The following PCBP2 variants were observed in gnomAD, a reference collection of about 807,000 sequenced individuals.
PCBP2 encodes poly(rC) binding protein 2, also known as poly(rC)-binding protein 2.
In PCBP2, 4 loss-of-function variants were observed where a neutral mutation model predicts 50.1. The observed-to-expected ratio is 0.08, with a 90% confidence interval of 0.04 to 0.18. The LOEUF is 0.18. Ranked by LOEUF, PCBP2 falls within the 10% of genes least tolerant of loss-of-function variation. The probability of loss-of-function intolerance (pLI) is 1.00; values close to 1 mark genes in which losing one functional copy is unlikely to be tolerated. For missense variants in PCBP2, 161 were observed against 474.3 expected, an observed-to-expected ratio of 0.34 and a Z score of 6.14; for synonymous variants, 179 against 168.0, an observed-to-expected ratio of 1.07 and a Z score of -0.51.
rs1353528541 is a variant in PCBP2 at position 53,480,313 on chromosome 12, T to C, written c.*871T>C. 6.6e-6 allele frequency: 1 copy of C among 152,214 alleles called. No homozygotes were observed. The allele number at this position is 152,214 out of a possible 1,614,324, so 9.4% of individuals were successfully genotyped here. ...GTTAGAAGGATGTATCTGCTACCAT[T>C]TATTCCTATAATTTTAGAAAGTTGG... On this transcript the variant is annotated 3_prime_UTR_variant, in exon 15 of 15. Coordinates refer to ENST00000546463, the MANE Select transcript of PCBP2 (RefSeq NM_031989.5).
chr12:53,471,547 C>T (rs1482860953), intron 13 of PCBP2, 91 bp from the exon 14 acceptor site: 4 of 1,222,170 alleles, frequency 3.3e-6, no homozygotes, highest in Non-Finnish European at 4.3e-6. Context: ...AGCCTGGCCA[C>T]AGTCGTAGGA....
chr12:53,477,693 A>AC (rs1942715567), intron 14 of PCBP2, among the ~76,000 whole-genome samples: 1 of 144,808 alleles, frequency 6.9e-6, no homozygotes, highest in Non-Finnish European at 1.5e-5. Context: ...AAAAAAAAAA[A>AC]ACCCTAAATA....
rs774980337 is a variant in PCBP2 at position 53,454,896 on chromosome 12, C to T, written c.69+27C>T. 80 of 1,587,300 alleles carry T rather than the reference C, an allele frequency of 5.0e-5. No individual in the cohort carries two copies. In the East Asian group the frequency reaches 6.5e-4, roughly 13 times the overall value. On this transcript the variant is annotated intron_variant, in intron 2 of 14. Coordinates refer to ENST00000546463, the MANE Select transcript of PCBP2 (RefSeq NM_031989.5). ...TATGCTCTAGCTTGGGAAATGGGGT[C>T]ATAGTAACTGCTAGGGGAGGGGCCA...
intron 10 of PCBP2, among the ~76,000 whole-genome samples, chr12:53,466,551 C>T (rs1424534159): frequency 1.3e-5 from 2 of 152,136 alleles, no homozygotes; most frequent in African/African-American, 4.8e-5. Context: ...CTGCACTTTT[C>T]TTTTATCCTT....
chr12:53,464,652 T>TAAAGGAA, intron 8 of PCBP2, 108 bp from the exon 9 acceptor site: 1 of 1,468,208 alleles, frequency 6.8e-7, no homozygotes, highest in African/African-American at 1.5e-5. Flanking sequence ...AGCTCCTTTT[T>TAAAGGAA]AAAGGAAAAA....
At chr12:53,466,817 A>G (rs1941859637) in intron 10 of PCBP2, among the ~76,000 whole-genome samples, 1 of 151,736 alleles carries the variant, frequency 6.6e-6, no homozygotes, top group Non-Finnish European at 1.5e-5. Context: ...CCTCTCCCCA[A>G]TACTGATGAA....
At chr12:53,458,116 A>G (rs1306275013) in intron 5 of PCBP2, among the ~76,000 whole-genome samples, 1 of 151,116 alleles carries the variant, frequency 6.6e-6, no homozygotes, top group African/African-American at 2.4e-5. Context: ...TTTAGTAGAG[A>G]CGGGGCTTCA....
In PCBP2 at chr12:53,464,865, G is replaced by A. The variant is rs1174859982; in HGVS notation, c.672+13G>A. 2 of 1,594,304 alleles carry A rather than the reference G, an allele frequency of 1.3e-6. No individual in the cohort carries two copies. The highest frequency in any genetic ancestry group is 1.4e-5 in the African/African-American group (1 of 73,274). On this transcript the variant is annotated intron_variant, in intron 9 of 14. Transcript: ENST00000546463. ...ACCACCTCTAGAGGTGAGAGGGGAT[G>A]TTCAGTCTCCAAGGCTCACTCAATC...
In PCBP2 at chr12:53,480,838, C is replaced by T. The variant is rs1402794209; in HGVS notation, c.*1396C>T. ...AAGTGGTTTTCTCTCCTGCCCCTCCCACCGCCCCTCCCCCCACCCCCTATT... is the reference window on the plus strand; with the variant it reads ...AAGTGGTTTTCTCTCCTGCCCCTCCTACCGCCCCTCCCCCCACCCCCTATT... On this transcript the variant is annotated 3_prime_UTR_variant, in exon 15 of 15. Coordinates refer to ENST00000546463, the MANE Select transcript of PCBP2 (RefSeq NM_031989.5). 5.9e-5 allele frequency: 9 copies of T among 152,234 alleles called. No individual in the cohort carries two copies. The highest frequency in any genetic ancestry group is 1.3e-4 in the Non-Finnish European group (9 of 68,096). 9.4% of individuals were successfully genotyped at this position (152,234 alleles called of 1,614,324 possible). A position where few individuals can be genotyped will look rare whatever the true frequency, so the allele number is the denominator to read the frequency against.
Position 53,467,839 on chromosome 12 carries a change from T to C in PCBP2, c.822T>C (p.Tyr274=). ...IESSSPEVKG[Y]WAGLDASAQT... is the part of the protein sequence containing the mutation. ...CCAGCTCTCCAGAGGTGAAAGGCTA[T>C]TGGGGTAATGATTAAAAAAAAAAAA... The change falls in exon 12 of 15, where the codon TAT becomes TAC. Residue 274 remains tyrosine (Y), a synonymous_variant. Coordinates refer to ENST00000546463, the MANE Select transcript of PCBP2 (RefSeq NM_031989.5). 1 of 1,610,150 alleles carries C rather than the reference T, an allele frequency of 6.2e-7. No individual in the cohort carries two copies. The highest frequency in any genetic ancestry group is 8.5e-7 in the Non-Finnish European group (1 of 1,176,778).
Position 53,454,669 on chromosome 12 carries a change from G to C in PCBP2, c.-75-57G>C, listed in dbSNP as rs1019024965. The C allele has an allele frequency of 8.8e-6, 6 of 678,652 alleles. No individual in the cohort carries two copies. In the African/African-American group the frequency reaches 8.9e-5, roughly 10 times the overall value. 42.0% of individuals were successfully genotyped at this position (678,652 alleles called of 1,614,324 possible). On this transcript the variant is annotated intron_variant, in intron 1 of 14. Coordinates refer to ENST00000546463, the MANE Select transcript of PCBP2 (RefSeq NM_031989.5). ...AATATTGATAAGGTGAAAATAACTT[G>C]GGAAATAATAACCTTGTTGTTTTCC...
At position 53,480,059 on chromosome 12, in the gene PCBP2, C is replaced by T. The variant is rs1335410613; in HGVS notation, c.*617C>T. The T allele has an allele frequency of 8.6e-5, 13 of 151,618 alleles. No individual in the cohort carries two copies. The highest frequency in any genetic ancestry group is 7.9e-4 in the Admixed American group (12 of 15,192). The allele number at this position is 151,618 out of a possible 1,614,324, so 9.4% of individuals were successfully genotyped here. On this transcript the variant is annotated 3_prime_UTR_variant, in exon 15 of 15. Transcript: ENST00000546463. ...CCAAAAGATTGAGGATTAGACTTTC[C>T]GAGGACTTACCTGTCCTAGGGGAGT... is the stretch of plus-strand genomic sequence containing the variant.
intron 14 of PCBP2, among the ~76,000 whole-genome samples, chr12:53,478,173 A>G (rs1156510113): frequency 6.6e-6 from 1 of 152,196 alleles, no homozygotes; most frequent in Non-Finnish European, 1.5e-5. Flanking sequence ...GAGTTGAAAC[A>G]AATTATTTTG....
intron 1 of PCBP2, among the ~76,000 whole-genome samples, chr12:53,452,621 G>C (rs1294720732): frequency 1.3e-5 from 2 of 151,516 alleles, no homozygotes; most frequent in Non-Finnish European, 3.0e-5. Flanking sequence ...CTGCGCAGGA[G>C]TCAGGGAGGG....
intron 14 of PCBP2, chr12:53,475,958 T>G (rs1942554147): frequency 1.3e-5 from 2 of 152,162 alleles, no homozygotes; most frequent in Admixed American, 6.5e-5. Context: ...ACCATGAGGA[T>G]CTCTTCCAAG....
Position 53,474,675 on chromosome 12 carries a change from G to A in PCBP2, c.1052+2868G>A, listed in dbSNP as rs1394529938. Among the ~76,000 whole-genome samples, 6 of 152,100 alleles carry A rather than the reference G, an allele frequency of 3.9e-5. No homozygotes were observed. In the East Asian group the frequency reaches 5.8e-4, roughly 15 times the overall value. ...CAGTTTTTAAGTAGCTCTGTGGAAT[G>A]GAAATATACATATTTAGAGGGTGGG... On this transcript the variant is annotated intron_variant, in intron 14 of 14. Transcript: ENST00000546463.
At chr12:53,478,882 T>TTA (rs1942850888) in intron 14 of PCBP2, among the ~76,000 whole-genome samples, 1 of 151,934 alleles carries the variant, frequency 6.6e-6, no homozygotes, top group East Asian at 1.9e-4. Context: ...TTTTTTTTTT[T>TTA]ACCTTTAAAA....
chr12:53,471,924 G>GTTTTT (rs377649740), intron 14 of PCBP2, 117 bp downstream of exon 14: 2 of 437,314 alleles, frequency 4.6e-6, no homozygotes, highest in African/African-American at 2.5e-5. Flanking sequence ...TGGCCAAAAG[G>GTTTTT]TTTTTTTTTT....
chr12:53,472,227 A>C (rs1942293787), intron 14 of PCBP2, among the ~76,000 whole-genome samples: 1 of 152,214 alleles, frequency 6.6e-6, no homozygotes, highest in African/African-American at 2.4e-5. Context: ...TAGGACAGCA[A>C]GGCAGTTTCT....
Sources: allele counts gnomAD v4.1 joint callset (sites outside exome capture counted in the v4.1 genomes callset), GRCh38; gene constraint gnomAD v4.1.1; transcripts MANE v1.5; gene names NCBI Gene and HGNC (gene_info 2026-07-23, HGNC 2026-07-21).